MYO9B: variants seen among roughly 807,000 people sequenced by gnomAD.
MYO9B encodes the protein unconventional myosin-IXb.
In MYO9B, 71 loss-of-function variants were observed where a neutral mutation model predicts 229.5. The observed-to-expected ratio is 0.31, with a 90% confidence interval of 0.26 to 0.38. MYO9B has a LOEUF of 0.38. Among genes scored for constraint, MYO9B ranks in the 10% least tolerant of loss-of-function variants. MYO9B has a pLI of 1.00. For synonymous variants in MYO9B, 1,185 were observed against 1,235.8 expected (o/e 0.96, Z 0.86); for missense variants, 2,255 against 2,920.5 (o/e 0.77, Z 5.25).
chr19:17,209,718 C>T lies in MYO9B; in HGVS notation c.5748+9C>T, dbSNP rs202183805. ...TCCTGCGACAAAATGCTGTGAGTAC[C>T]GGTGATCGTGGGGGCGGGACCTCTT... On this transcript the variant is annotated intron_variant, in intron 36 of 39. Coordinates refer to ENST00000682292, the MANE Select transcript of MYO9B (RefSeq NM_004145.4). 137 of 1,607,706 alleles carry T rather than the reference C, an allele frequency of 8.5e-5. No homozygotes were observed. The African/African-American group carries it at 1.4e-3, about 17-fold the overall frequency.
chr19:17,101,774 G>C lies in MYO9B; in HGVS notation c.57G>C (p.Leu19=). The C allele has an allele frequency of 6.2e-7, 1 of 1,601,558 alleles. No homozygotes were observed. Among genetic ancestry groups the C allele is most frequent in the East Asian group, 2.2e-5 (1 of 44,578 alleles). The change falls in exon 2 of 40, where the codon CTG becomes CTC. Residue 19 remains leucine, a synonymous_variant. Coordinates refer to ENST00000682292, the MANE Select transcript of MYO9B (RefSeq NM_004145.4). This position sits in a 1 kb window ranked among gnomAD's most constrained non-coding sequence, Gnocchi z 4.7. ...SGRREQAAYH[L]HIYPQLSTTE... ...GCCGGGAGCAGGCGGCCTACCACCT[G>C]CACATCTACCCCCAGCTGTCCACCA...
At chr19:17,103,212 A>T (rs1246484884) in intron 2 of MYO9B, 1 of 152,216 alleles carries the variant, frequency 6.6e-6, no homozygotes, top group African/African-American at 2.4e-5. Flanking sequence ...CCCTGCCTCT[A>T]AAGAGAGAAA....
chr19:17,187,422 C>T (rs959142451), intron 18 of MYO9B, among the ~76,000 whole-genome samples: 4 of 151,812 alleles, frequency 2.6e-5, no homozygotes, highest in Admixed American at 6.6e-5. Flanking sequence ...GGGCTTTGTC[C>T]GCCCCATCAC....
At chr19:17,081,099 C>T (rs1467353348) in intron 1 of MYO9B, among the ~76,000 whole-genome samples, 1 of 152,096 alleles carries the variant, frequency 6.6e-6, no homozygotes, top group African/African-American at 2.4e-5. Context: ...GCGATCTCAG[C>T]TCACTGCAAC....
At chr19:17,110,042 C>G (rs960878732) in intron 2 of MYO9B, among the ~76,000 whole-genome samples, 12 of 152,272 alleles carry the variant, frequency 7.9e-5, no homozygotes, top group African/African-American at 2.9e-4. Flanking sequence ...CCTCTCTGCT[C>G]TCCCCTCTCT....
intron 1 of MYO9B, among the ~76,000 whole-genome samples, chr19:17,085,375 G>A (rs116737501): frequency 3.2e-3 from 494 of 152,226 alleles, no homozygotes; most frequent in African/African-American, 0.011. Flanking sequence ...AGCACTCCAC[G>A]TGGAAACTAG....
rs758497955 is a variant in MYO9B, at chr19:17,210,300, C to T, written c.5749-33C>T. Reference sequence around the variant, plus strand: ...GCTCATGCCTGTGTCTGTCTTGGCCCGTGTGGTCACCCTGTGTTCATCTCT... The same window carrying T: ...GCTCATGCCTGTGTCTGTCTTGGCCTGTGTGGTCACCCTGTGTTCATCTCT... On this transcript the variant is annotated intron_variant, in intron 36 of 39. Coordinates refer to ENST00000682292, the MANE Select transcript of MYO9B (RefSeq NM_004145.4). 2.2e-5 allele frequency: 35 copies of T among 1,567,486 alleles called. No individual in the cohort carries two copies. In the Admixed American group the frequency reaches 4.0e-4, roughly 18 times the overall value.
At chr19:17,187,401 C>T (rs1292967164) in intron 18 of MYO9B, among the ~76,000 whole-genome samples, 1 of 151,214 alleles carries the variant, frequency 6.6e-6, no homozygotes, top group Non-Finnish European at 1.5e-5. Context: ...AGAGAACAGG[C>T]CCGGAACACT....
chr19:17,165,582 A>C (rs750967349), intron 10 of MYO9B, among the ~76,000 whole-genome samples: 10 of 152,058 alleles, frequency 6.6e-5, no homozygotes, highest in Non-Finnish European at 1.3e-4. Context: ...CTCTAAAAAA[A>C]AAAAATTTGA....
intron 1 of MYO9B, among the ~76,000 whole-genome samples, chr19:17,092,555 GTC>G (rs1222069112): frequency 1.3e-5 from 2 of 152,060 alleles, no homozygotes; most frequent in African/African-American, 2.4e-5. Flanking sequence ...GCAAAGCCCT[GTC>G]TCTATTAAAA....
At chr19:17,088,287 C>T (rs747804026) in intron 1 of MYO9B, among the ~76,000 whole-genome samples, 5 of 152,204 alleles carry the variant, frequency 3.3e-5, no homozygotes, top group African/African-American at 4.8e-5. Context: ...TTTATAAGGA[C>T]GCCAGTCTTT....
intron 2 of MYO9B, among the ~76,000 whole-genome samples, chr19:17,142,136 A>G (rs2072348320): frequency 6.6e-6 from 1 of 150,438 alleles, no homozygotes; most frequent in African/African-American, 2.5e-5. Context: ...CTATGATTAC[A>G]CCACTGGGCG....
chr19:17,113,175 T>C (rs1274284690), intron 2 of MYO9B, among the ~76,000 whole-genome samples: 1 of 152,080 alleles, frequency 6.6e-6, no homozygotes, highest in Non-Finnish European at 1.5e-5. Flanking sequence ...AGGCTGAGGG[T>C]CTCTGAGACC....
At chr19:17,126,948 T>G (rs1417570798) in intron 2 of MYO9B, among the ~76,000 whole-genome samples, 1 of 90,788 alleles carries the variant, frequency 1.1e-5, no homozygotes, top group Non-Finnish European at 2.1e-5. Flanking sequence ...CCTTCCAAAG[T>G]GCTGGAATTA....
intron 27 of MYO9B, 35 bp from the exon 28 acceptor site, chr19:17,202,095 C>T (rs761828088): frequency 6.2e-7 from 1 of 1,612,624 alleles, no homozygotes; most frequent in Admixed American, 1.7e-5. Context: ...CGCCCCTTGC[C>T]CAGGCCTGCA....
At chr19:17,205,179 CGG>C in intron 30 of MYO9B, 82 bp from the exon 31 acceptor site, 1 of 1,029,732 alleles carries the variant, frequency 9.7e-7, no homozygotes, top group African/African-American at 1.7e-5. Flanking sequence ...AGGCAATTGG[CGG>C]CCCCCGGCCA....
At chr19:17,094,756 AC>A (rs1467756891) in intron 1 of MYO9B, among the ~76,000 whole-genome samples, 1 of 152,132 alleles carries the variant, frequency 6.6e-6, no homozygotes, top group Non-Finnish European at 1.5e-5. Context: ...AGCCTGGGCA[AC>A]ATGATGAAAC....
chr19:17,085,524 A>G (rs1244673596), intron 1 of MYO9B, among the ~76,000 whole-genome samples: 5 of 152,112 alleles, frequency 3.3e-5, no homozygotes, highest in Non-Finnish European at 7.4e-5. Context: ...TTTCTTTTTA[A>G]GGTGATGTAA....
At chr19:17,142,125 G>A (rs769896438) in intron 2 of MYO9B, among the ~76,000 whole-genome samples, 14 of 150,144 alleles carry the variant, frequency 9.3e-5, no homozygotes, top group Non-Finnish European at 1.8e-4. Context: ...CTTGCAGTGA[G>A]CTATGATTAC....
Sources: gnomAD v4.1 joint callset for allele counts (sites outside exome capture counted in the v4.1 genomes callset) on GRCh38, gnomAD v4.1.1 for gene constraint, Gnocchi (gnomAD v3.1) non-coding constraint, MANE v1.5 for transcripts, NCBI Gene and HGNC (gene_info 2026-07-23, HGNC 2026-07-21) for gene names.